CLIC4: variants seen among roughly 807,000 people sequenced by gnomAD.
The protein encoded by CLIC4 is chloride intracellular channel protein 4.
A neutral mutation model predicts 24.6 loss-of-function variants in CLIC4; 13 were observed. The observed-to-expected ratio is 0.53, with a 90% CI of 0.34 to 0.84. The LOEUF is 0.84. CLIC4 is among the 40% of genes least tolerant of loss of function. The probability of loss-of-function intolerance (pLI) is 0.01; values close to 1 mark genes in which losing one functional copy is unlikely to be tolerated. For missense variants in CLIC4, 227 were observed against 301.7 expected (o/e 0.75, Z 1.83); for synonymous variants, 104 against 111.3 (o/e 0.93, Z 0.41).
chr1:24,792,713 T>G (rs1447115329), intron 1 of CLIC4, among the ~76,000 whole-genome samples: 1 of 152,160 alleles, frequency 6.6e-6, no homozygotes, highest in African/African-American at 2.4e-5. Flanking sequence ...AGGAAAGTGC[T>G]TATTAGGCGT....
At chr1:24,827,632 G>C (rs1327543877) in intron 4 of CLIC4, among the ~76,000 whole-genome samples, 8 of 151,230 alleles carry the variant, frequency 5.3e-5, no homozygotes, top group Admixed American at 5.3e-4. Flanking sequence ...TGCTTTAAGA[G>C]GGTAATTAGA....
At chr1:24,778,942 C>T (rs1259777088) in intron 1 of CLIC4, among the ~76,000 whole-genome samples, 1 of 152,158 alleles carries the variant, frequency 6.6e-6, no homozygotes, top group Non-Finnish European at 1.5e-5. Flanking sequence ...AAACTCACGA[C>T]ATTAATTCCA....
intron 2 of CLIC4, among the ~76,000 whole-genome samples, chr1:24,808,835 CCTGA>C (rs1229481765): frequency 6.6e-6 from 1 of 151,966 alleles, no homozygotes; most frequent in Non-Finnish European, 1.5e-5. Flanking sequence ...CACCACCACG[CCTGA>C]CTAATTTTTT....
At chr1:24,777,741 T>C (rs1394528283) in intron 1 of CLIC4, 1 of 152,192 alleles carries the variant, frequency 6.6e-6, no homozygotes, top group Non-Finnish European at 1.5e-5. Context: ...TTATGAAATA[T>C]ACACCAGATT....
chr1:24,746,999 A>T (rs1638707773), intron 1 of CLIC4, among the ~76,000 whole-genome samples: 2 of 151,858 alleles, frequency 1.3e-5, no homozygotes, highest in African/African-American at 2.4e-5. Flanking sequence ...AACAAAAGAG[A>T]TGGAGAGAAG....
intron 1 of CLIC4, among the ~76,000 whole-genome samples, chr1:24,780,117 C>T (rs868061382): frequency 2.6e-5 from 4 of 152,194 alleles, no homozygotes; most frequent in African/African-American, 9.7e-5. Context: ...CACTTAACCA[C>T]ATGCTGGACA....
intron 3 of CLIC4, among the ~76,000 whole-genome samples, chr1:24,814,980 C>G (rs1388059848): frequency 1.3e-5 from 2 of 152,030 alleles, no homozygotes; most frequent in African/African-American, 4.8e-5. Context: ...ATGGAGGGTT[C>G]TAAAATAATT....
intron 1 of CLIC4, among the ~76,000 whole-genome samples, chr1:24,773,303 G>C (rs770036615): frequency 4.6e-5 from 7 of 152,114 alleles, no homozygotes; most frequent in Non-Finnish European, 8.8e-5. Context: ...AGAAATAGCT[G>C]CCTTAAGCAT....
intron 3 of CLIC4, among the ~76,000 whole-genome samples, chr1:24,819,502 A>T (rs1639704294): frequency 6.6e-6 from 1 of 150,436 alleles, no homozygotes; most frequent in African/African-American, 2.5e-5. Context: ...CAATGGCATG[A>T]TCTTGGCTCA....
chr1:24,825,370 T>A (rs181858411), intron 3 of CLIC4, among the ~76,000 whole-genome samples: 1 of 152,172 alleles, frequency 6.6e-6, no homozygotes, highest in Non-Finnish European at 1.5e-5. Flanking sequence ...GAGGCTTGTT[T>A]GTATAGTCAA....
chr1:24,803,652 A>G (rs1167587125), intron 2 of CLIC4, among the ~76,000 whole-genome samples: 1 of 152,242 alleles, frequency 6.6e-6, no homozygotes, highest in Non-Finnish European at 1.5e-5. Flanking sequence ...TTCACAAAGA[A>G]TTTCAATTTA....
At chr1:24,764,651 C>T (rs1216636516) in intron 1 of CLIC4, among the ~76,000 whole-genome samples, 1 of 150,556 alleles carries the variant, frequency 6.6e-6, no homozygotes, top group Non-Finnish European at 1.5e-5. Context: ...AAGACCCTAT[C>T]TCAAGGGAAA....
chr1:24,803,104 C>A (rs1429276992), intron 2 of CLIC4, among the ~76,000 whole-genome samples: 2 of 152,092 alleles, frequency 1.3e-5, no homozygotes, highest in African/African-American at 4.8e-5. Context: ...GTTCAAAAAA[C>A]AAAAACAAAC....
chr1:24,772,557 C>T (rs1342772552), intron 1 of CLIC4, among the ~76,000 whole-genome samples: 2 of 152,212 alleles, frequency 1.3e-5, no homozygotes, highest in Non-Finnish European at 2.9e-5. Context: ...ACGATCTCAG[C>T]TCACTGCAGT....
At chr1:24,826,337 C>T (rs181971031) in intron 3 of CLIC4, among the ~76,000 whole-genome samples, 46 of 152,216 alleles carry the variant, frequency 3.0e-4, no homozygotes, top group Admixed American at 2.6e-3. Context: ...GCGATTGATC[C>T]GCCTCCTTTT....
Position 24,797,046 on chromosome 1 carries a change from C to T in CLIC4, c.73-696C>T, listed in dbSNP as rs1031806772. On this transcript the variant is annotated intron_variant, in intron 1 of 5. Transcript: ENST00000374379. ...TCAGCACACTGCAACCTCTGTGTCC[C>T]GGGTTCAAGTGATTCTCCTGCCTCA... Among the ~76,000 whole-genome samples, 15 of 151,206 alleles carry T rather than the reference C, an allele frequency of 9.9e-5. No individual in the cohort carries two copies. The South Asian group carries it at 1.0e-3, about 11-fold the overall frequency.
intron 3 of CLIC4, among the ~76,000 whole-genome samples, chr1:24,820,493 G>A (rs956878045): frequency 6.6e-6 from 1 of 151,144 alleles, no homozygotes; most frequent in African/African-American, 2.4e-5. Flanking sequence ...CAAACTCATG[G>A]ACACAATCAG....
chr1:24,794,132 A>G (rs886244092), intron 1 of CLIC4, among the ~76,000 whole-genome samples: 59 of 152,238 alleles, frequency 3.9e-4, no homozygotes, highest in African/African-American at 1.4e-3. Flanking sequence ...GCTATCATGA[A>G]TAGTGCTGCA....
intron 2 of CLIC4, among the ~76,000 whole-genome samples, chr1:24,798,753 C>A (rs1357489450): frequency 6.6e-6 from 1 of 152,088 alleles, no homozygotes; most frequent in Non-Finnish European, 1.5e-5. Flanking sequence ...TGCAACCTCC[C>A]TGCCTGATTC....
Sources: gnomAD v4.1 joint callset for allele counts (sites outside exome capture counted in the v4.1 genomes callset) on GRCh38, gnomAD v4.1.1 for gene constraint, MANE v1.5 for transcripts, NCBI Gene and HGNC (gene_info 2026-07-23, HGNC 2026-07-21) for gene names.